The following SIGLEC5 variants were observed in gnomAD, a reference collection of about 807,000 sequenced individuals.
SIGLEC5 encodes the protein sialic acid-binding Ig-like lectin 5.
Under a neutral mutation model 45.9 loss-of-function variants are expected in SIGLEC5, and 34 were observed. The observed-to-expected ratio is 0.74, with a 90% CI of 0.56 to 0.99. The LOEUF is 0.99. SIGLEC5 is among the 50% of genes least tolerant of loss of function. The probability of loss-of-function intolerance (pLI) is 0.00; values close to 1 mark genes in which losing one functional copy is unlikely to be tolerated. For synonymous variants in SIGLEC5, 203 were observed against 258.6 expected, an observed-to-expected ratio of 0.79 and a Z score of 2.06; for missense variants, 508 against 629.6, an observed-to-expected ratio of 0.81 and a Z score of 2.07.
At position 51,611,381 on chromosome 19, in the gene SIGLEC5, G is replaced by A. The variant is rs1249851557; in HGVS notation, c.*850C>T. Among the ~76,000 whole-genome samples the A allele has an allele frequency of 6.6e-6, 1 of 152,198 alleles. No individual in the cohort carries two copies. Among genetic ancestry groups the A allele is most frequent in the African/African-American group, 2.4e-5 (1 of 41,436 alleles). ...AAGCCAGATGAAAGCAAGGAGGCAT[G>A]GCTTCCAGGAGGAGGAATCTCAAAT... On this transcript the variant is annotated 3_prime_UTR_variant, in exon 9 of 9. Transcript: ENST00000683636.
chr19:51,628,699 ATGTGTG>A, intron 4 of SIGLEC5, among the ~76,000 whole-genome samples: 1 of 135,428 alleles, frequency 7.4e-6, no homozygotes, highest in East Asian at 2.2e-4. Context: ...TGTGTGGTGT[ATGTGTG>A]TGTGTGCATA....
In SIGLEC5 at chr19:51,612,183, C is replaced by A. The variant is rs746056472; in HGVS notation, c.*48G>T. 8 of 1,479,414 alleles carry A rather than the reference C, an allele frequency of 5.4e-6. No individual in the cohort carries two copies. The allele number at this position is 1,479,414 out of a possible 1,614,324, so 91.6% of individuals were successfully genotyped here. ...GTGGTCCCTGACTTGTCCTTTCCCC[C>A]AGACAGGCTGTGGCTCCTCCAGCCA... On this transcript the variant is annotated 3_prime_UTR_variant, in exon 9 of 9. Transcript: ENST00000683636.
At chr19:51,625,006 T>G in intron 8 of SIGLEC5, among the ~76,000 whole-genome samples, 1 of 150,964 alleles carries the variant, frequency 6.6e-6, no homozygotes, top group African/African-American at 2.4e-5. Context: ...ATATGATGAG[T>G]GGGTGGAGAC....
In SIGLEC5 at chr19:51,627,972, C is replaced by G. The variant is rs762147930; in HGVS notation, c.859G>C (p.Ala287Pro). ...TTGGAGATGGGGGTGGCGTTCAGGG[C>G]AGGGGAGCCCTGGAACCAGCTCAGG... ...AHLSWFQGSP[A>P]LNATPISNTG... Residue 287 changes from alanine to proline, a missense_variant, in exon 5 of 9, where the codon GCC (alanine) becomes CCC (proline). Ala to Pro is a conservative substitution (Grantham distance 27). This residue lies in a region of SIGLEC5 where 431 missense variants were observed against 428.8 expected (regional missense o/e 1.01). Transcript: ENST00000683636. 19 of 1,613,776 alleles carry G rather than the reference C, an allele frequency of 1.2e-5. No homozygotes were observed. The highest frequency in any genetic ancestry group is 1.5e-5 in the Non-Finnish European group (18 of 1,179,860).
At position 51,611,526 on chromosome 19, in the gene SIGLEC5, C is replaced by T. The variant is rs148796150; in HGVS notation, c.*705G>A. On this transcript the variant is annotated 3_prime_UTR_variant, in exon 9 of 9. Transcript: ENST00000683636. ...AGGACTTTATGTGTCAGGGGAGATG[C>T]TTGTGATATATTGTCTAAGGCCAGG... Among the ~76,000 whole-genome samples the T allele has an allele frequency of 2.4e-4, 36 of 152,228 alleles. No individual in the cohort carries two copies. The highest frequency in any genetic ancestry group is 8.2e-4 in the African/African-American group (34 of 41,548).
chr19:51,627,324 C>G, intron 6 of SIGLEC5, 76 bp from the exon 7 acceptor site: 1 of 1,546,778 alleles, frequency 6.5e-7, no homozygotes, highest in Non-Finnish European at 8.9e-7. Context: ...GGGCAACTTG[C>G]TCCAGGGCCC....
intron 8 of SIGLEC5, among the ~76,000 whole-genome samples, chr19:51,619,370 G>A (rs751693128): frequency 2.6e-5 from 4 of 152,072 alleles, no homozygotes; most frequent in African/African-American, 2.4e-5. Flanking sequence ...ATGAGCCACC[G>A]CACCCGGCTA....
chr19:51,625,908 G>A (rs1423469310), intron 8 of SIGLEC5, 124 bp downstream of exon 8: 2 of 711,230 alleles, frequency 2.8e-6, no homozygotes, highest in African/African-American at 3.5e-5. Context: ...GATATGAAGG[G>A]GGAGAACAGG....
Position 51,622,161 on chromosome 19 carries a change from G to A in SIGLEC5, c.1464+3871C>T, listed in dbSNP as rs542641401. ...TTTTGTTTTGTTTTGAGACGGAGTC[G>A]TGTTCTGTCACCCAGGCTGGAGTGC... On this transcript the variant is annotated intron_variant, in intron 8 of 8. Coordinates refer to ENST00000683636, the MANE Select transcript of SIGLEC5 (RefSeq NM_003830.4). Among the ~76,000 whole-genome samples the A allele has an allele frequency of 5.4e-4, 82 of 151,976 alleles. 1 individual carries two copies. Among genetic ancestry groups the A allele is most frequent in the African/African-American group, 1.9e-3 (78 of 41,450 alleles).
Position 51,628,107 on chromosome 19 carries a change from G to C in SIGLEC5, c.740-16C>G, listed in dbSNP as rs1167247268. On this transcript the variant is annotated splice_polypyrimidine_tract_variant and intron_variant, in intron 4 of 8. Transcript: ENST00000683636. ...ATCTCTAGGGCTTTGGGGAGAGAAG[G>C]GTGGGGAAAGAGAGATGGGGCCAGG... 5 of 1,503,208 alleles carry C rather than the reference G, an allele frequency of 3.3e-6. No individual in the cohort carries two copies. In the East Asian group the frequency reaches 1.2e-4, roughly 35 times the overall value. The allele number at this position is 1,503,208 out of a possible 1,614,324, so 93.1% of individuals were successfully genotyped here.
intron 3 of SIGLEC5, 127 bp from the exon 4 acceptor site, chr19:51,629,203 C>G (rs1983630744): frequency 6.5e-7 from 1 of 1,530,336 alleles, no homozygotes; most frequent in Non-Finnish European, 8.9e-7. Flanking sequence ...TCACTCCCCG[C>G]AGATCCCAAG....
chr19:51,612,897 T>G (rs557900908), intron 8 of SIGLEC5, among the ~76,000 whole-genome samples: 11 of 151,722 alleles, frequency 7.3e-5, no homozygotes, highest in African/African-American at 2.7e-4. Flanking sequence ...CTCTCTCTCT[T>G]GCCCCCTACC....
Position 51,612,082 on chromosome 19 carries a change from C to T in SIGLEC5, c.*149G>A. ...AGGGCCTAGATTTGAGCCCACCTCT[C>T]TAATTCCATCTGCTTGGAGCACTTA... On this transcript the variant is annotated 3_prime_UTR_variant, in exon 9 of 9. Coordinates refer to ENST00000683636, the MANE Select transcript of SIGLEC5 (RefSeq NM_003830.4). 3.2e-5 allele frequency: 1 copy of T among 31,290 alleles called. No homozygotes were observed. Among genetic ancestry groups the T allele is most frequent in the Non-Finnish European group, 6.0e-5 (1 of 16,652 alleles). 1.9% of individuals were successfully genotyped at this position (31,290 alleles called of 1,614,324 possible). A position where few individuals can be genotyped will look rare whatever the true frequency, so the allele number is the denominator to read the frequency against.
chr19:51,618,367 A>G (rs1197810839), intron 8 of SIGLEC5, among the ~76,000 whole-genome samples: 2 of 150,760 alleles, frequency 1.3e-5, no homozygotes, highest in Non-Finnish European at 3.0e-5. Context: ...TAACTAATCA[A>G]TAAGAAACTA....
At chr19:51,616,927 A>AAAC (rs1983085703) in intron 8 of SIGLEC5, among the ~76,000 whole-genome samples, 1 of 148,528 alleles carries the variant, frequency 6.7e-6, no homozygotes, top group African/African-American at 2.5e-5. Context: ...AACAAAAAAA[A>AAAC]AAAACACTTG....
chr19:51,628,797 T>C (rs958270486), intron 4 of SIGLEC5, among the ~76,000 whole-genome samples: 4 of 148,522 alleles, frequency 2.7e-5, no homozygotes, highest in Non-Finnish European at 6.0e-5. Context: ...CATGTGTATG[T>C]GTGTGGTGTA....
chr19:51,628,239 C>T (rs1467724747), intron 4 of SIGLEC5, 148 bp from the exon 5 acceptor site: 14 of 898,840 alleles, frequency 1.6e-5, no homozygotes, highest in African/African-American at 3.4e-5. Context: ...AAAGGCTGGG[C>T]CTTTGCACAC....
intron 4 of SIGLEC5, 102 bp from the exon 5 acceptor site, chr19:51,628,193 C>A (rs1230401627): frequency 7.5e-7 from 1 of 1,332,232 alleles, no homozygotes; most frequent in Non-Finnish European, 1.0e-6. Flanking sequence ...TCCCTCTCCT[C>A]CCCTGGCCTA....
rs750337500 is a variant in SIGLEC5 at position 51,629,003 on chromosome 19, G to T, written c.739+35C>A. The T allele has an allele frequency of 2.5e-6, 4 of 1,601,750 alleles. 1 individual carries two copies. On this transcript the variant is annotated intron_variant, in intron 4 of 8. Coordinates refer to ENST00000683636, the MANE Select transcript of SIGLEC5 (RefSeq NM_003830.4). ...CCTCTGCTCAGAGACAGACCCAGAG[G>T]CAGGTCCCAGCTTCAGAGAGGAGGT...
Sources: gnomAD v4.1 joint callset for allele counts (sites outside exome capture counted in the v4.1 genomes callset) on GRCh38, gnomAD v4.1.1 for gene constraint, gnomAD v4.1.1 regional missense constraint, MANE v1.5 for transcripts, NCBI Gene and HGNC (gene_info 2026-07-23, HGNC 2026-07-21) for gene names.